The following ASTN2 variants were observed in gnomAD, a reference collection of about 807,000 sequenced individuals.
ASTN2 encodes astrotactin 2, also known as astrotactin-2.
Under a neutral mutation model 139.8 loss-of-function variants are expected in ASTN2, and 54 were observed. The observed-to-expected ratio is 0.39, with a 90% CI of 0.31 to 0.48. The LOEUF (loss-of-function observed/expected upper bound fraction) is 0.48, where lower values mean the gene tolerates loss of function less well. Ranked by LOEUF, ASTN2 falls within the 20% of genes least tolerant of loss-of-function variation. The pLI is 0.95. For synonymous variants in ASTN2, 756 were observed against 719.5 expected (o/e 1.05, Z -0.81); for missense variants, 1,565 against 1,725.1 (o/e 0.91, Z 1.64).
intron 13 of ASTN2, among the ~76,000 whole-genome samples, chr9:116,778,271 T>C (rs1186548408): frequency 6.6e-6 from 1 of 152,118 alleles, no homozygotes; most frequent in Non-Finnish European, 1.5e-5. Flanking sequence ...GAACTGACTC[T>C]GGAATCCAAA....
chr9:116,828,435 C>T (rs1320388221), intron 11 of ASTN2, among the ~76,000 whole-genome samples: 2 of 151,854 alleles, frequency 1.3e-5, no homozygotes, highest in Admixed American at 1.3e-4. Context: ...AAACGTGATA[C>T]ATCACATAAA....
intron 2 of ASTN2, among the ~76,000 whole-genome samples, chr9:117,265,140 G>A (rs1253267178): frequency 6.6e-6 from 1 of 152,148 alleles, no homozygotes; most frequent in African/African-American, 2.4e-5. Flanking sequence ...CAGAAGATAG[G>A]AATTTGACTG....
intron 13 of ASTN2, among the ~76,000 whole-genome samples, chr9:116,764,970 C>T (rs1829769057): frequency 6.6e-6 from 1 of 152,218 alleles, no homozygotes; most frequent in Admixed American, 6.5e-5. Flanking sequence ...CTCAACCCCA[C>T]CACTTCTGCT....
At chr9:117,378,862 G>A (rs767702386) in intron 1 of ASTN2, among the ~76,000 whole-genome samples, 1 of 152,180 alleles carries the variant, frequency 6.6e-6, no homozygotes, top group Non-Finnish European at 1.5e-5. Flanking sequence ...GGAAGTGATT[G>A]GATTCTGGGG....
At chr9:116,580,499 T>C (rs1853905516) in intron 19 of ASTN2, among the ~76,000 whole-genome samples, 1 of 152,168 alleles carries the variant, frequency 6.6e-6, no homozygotes, top group Non-Finnish European at 1.5e-5. Flanking sequence ...TTCCAGTTAC[T>C]CTGAATACCC....
At chr9:117,053,494 T>C (rs1490770014) in intron 5 of ASTN2, among the ~76,000 whole-genome samples, 1 of 152,094 alleles carries the variant, frequency 6.6e-6, no homozygotes, top group African/African-American at 2.4e-5. Context: ...AATAGCATTA[T>C]GCTCATTTTA....
At chr9:117,183,880 C>T (rs1369361288) in intron 3 of ASTN2, among the ~76,000 whole-genome samples, 1 of 152,176 alleles carries the variant, frequency 6.6e-6, no homozygotes, top group Non-Finnish European at 1.5e-5. Context: ...TACTGCCCTC[C>T]CTCTGGATCT....
At chr9:116,801,622 GAAAA>G (rs1830861718) in intron 13 of ASTN2, among the ~76,000 whole-genome samples, 2 of 120,322 alleles carry the variant, frequency 1.7e-5, no homozygotes, top group Admixed American at 1.7e-4. Context: ...AAGAAAGAAA[GAAAA>G]AGAAAGAAAG....
chr9:117,414,291 C>CA lies in ASTN2; in HGVS notation c.442+205dup, dbSNP rs1458836969. Reference sequence around the variant, plus strand: ...CACTGCGGGAGGGTTGGCACGCCCCCAGGCTCCCGCCGCGCGCTCTCCAGG... The same window carrying CA: ...CACTGCGGGAGGGTTGGCACGCCCCCAAGGCTCCCGCCGCGCGCTCTCCAGG... On this transcript the variant is annotated intron_variant, in intron 1 of 22. Coordinates refer to ENST00000313400, the MANE Select transcript of ASTN2 (RefSeq NM_001365068.1). This position sits in a 1 kb window ranked among gnomAD's most constrained non-coding sequence, Gnocchi z 4.2. 3.3e-5 allele frequency among the ~76,000 whole-genome samples: 5 copies of CA among 152,260 alleles called. No individual in the cohort carries two copies. In the South Asian group the frequency reaches 1.0e-3, roughly 32 times the overall value.
intron 19 of ASTN2, among the ~76,000 whole-genome samples, chr9:116,588,137 A>T (rs1335165768): frequency 6.7e-6 from 1 of 150,158 alleles, no homozygotes; most frequent in Admixed American, 6.6e-5. Flanking sequence ...ACATGCCAAA[A>T]ATATCTACCC....
chr9:117,120,012 G>GTATATATA (rs1194137211), intron 4 of ASTN2, among the ~76,000 whole-genome samples: 177 of 68,666 alleles, frequency 2.6e-3, no homozygotes, highest in East Asian at 0.011. Context: ...GTGTGTGTGT[G>GTATATATA]TGTGTGTATA....
At chr9:116,517,513 G>C (rs756004225) in intron 19 of ASTN2, among the ~76,000 whole-genome samples, 4 of 152,170 alleles carry the variant, frequency 2.6e-5, no homozygotes, top group African/African-American at 4.8e-5. Context: ...AGTGGCCCTT[G>C]AATCCCAGAT....
chr9:116,964,213 T>TGGGGTG (rs879451453), intron 10 of ASTN2, among the ~76,000 whole-genome samples: 22 of 121,192 alleles, frequency 1.8e-4, no homozygotes, highest in African/African-American at 6.8e-4. Context: ...TAGACTGCCC[T>TGGGGTG]GGGGTGTGTG....
chr9:116,980,588 C>G (rs1230762177), intron 7 of ASTN2, among the ~76,000 whole-genome samples: 2 of 152,130 alleles, frequency 1.3e-5, no homozygotes, highest in Non-Finnish European at 2.9e-5. Context: ...CTCATCACTT[C>G]TGAGCACCAA....
At chr9:116,826,706 A>G (rs1010270507) in intron 11 of ASTN2, among the ~76,000 whole-genome samples, 1 of 152,238 alleles carries the variant, frequency 6.6e-6, no homozygotes. Flanking sequence ...AAGCAAGCCA[A>G]CTAATGGCCC....
intron 22 of ASTN2, chr9:116,437,533 G>A (rs774885296): frequency 1.1e-5 from 5 of 471,174 alleles, no homozygotes; most frequent in Admixed American, 4.7e-5. Flanking sequence ...CTCTGTGGGC[G>A]GCCCGGCCGC....
intron 2 of ASTN2, among the ~76,000 whole-genome samples, chr9:117,230,110 C>T (rs1291098851): frequency 8.6e-6 from 1 of 116,298 alleles, no homozygotes. Flanking sequence ...AGGTAAGACT[C>T]TATCTTAAAA....
At chr9:116,438,476 G>A (rs1847727353) in intron 22 of ASTN2, among the ~76,000 whole-genome samples, 1 of 152,126 alleles carries the variant, frequency 6.6e-6, no homozygotes, top group South Asian at 2.1e-4. Flanking sequence ...AAATTCTTCA[G>A]TGGCTCCAAA....
intron 10 of ASTN2, among the ~76,000 whole-genome samples, chr9:116,933,681 A>G (rs920171309): frequency 2.2e-4 from 34 of 152,128 alleles, no homozygotes; most frequent in African/African-American, 7.2e-4. Context: ...AAAATTCAGC[A>G]TTTACTAAAA....
Sources: gnomAD v4.1 joint callset for allele counts (sites outside exome capture counted in the v4.1 genomes callset) on GRCh38, gnomAD v4.1.1 for gene constraint, Gnocchi (gnomAD v3.1) non-coding constraint, MANE v1.5 for transcripts, NCBI Gene and HGNC (gene_info 2026-07-23, HGNC 2026-07-21) for gene names.